DPP6: variants seen among roughly 807,000 people sequenced by gnomAD.
DPP6 encodes A-type potassium channel modulatory protein DPP6.
A neutral mutation model predicts 122.6 loss-of-function variants in DPP6; 69 were observed. That is an observed-to-expected ratio of 0.56 (90% CI 0.46 to 0.69). DPP6 has a LOEUF of 0.69. Among genes scored for constraint, DPP6 ranks in the 30% least tolerant of loss-of-function variants. The pLI, the probability that DPP6 is intolerant of heterozygous loss-of-function variation, is 0.00. For missense variants in DPP6, 928 were observed against 1,116.9 expected, an observed-to-expected ratio of 0.83 and a Z score of 2.41; for synonymous variants, 418 against 433.1, an observed-to-expected ratio of 0.97 and a Z score of 0.43.
At chr7:153,900,355 G>C (rs766202700) in intron 1 of DPP6, among the ~76,000 whole-genome samples, 15 of 151,856 alleles carry the variant, frequency 9.9e-5, no homozygotes, top group Non-Finnish European at 1.9e-4. Context: ...TGCTATAAAG[G>C]CATACCTGAG....
At chr7:154,468,245 A>G (rs182205176) in intron 2 of DPP6, among the ~76,000 whole-genome samples, 32 of 152,378 alleles carry the variant, frequency 2.1e-4, no homozygotes, top group African/African-American at 7.7e-4. Context: ...TCTACATTAA[A>G]TGTCCAGAAT....
Position 154,833,103 on chromosome 7 carries a change from A to G in DPP6, c.1667-20677A>G, listed in dbSNP as rs531240859. Among the ~76,000 whole-genome samples the G allele has an allele frequency of 1.5e-3, 222 of 152,300 alleles. No individual in the cohort carries two copies. The highest frequency in any genetic ancestry group is 4.9e-3 in the African/African-American group (205 of 41,564). The stretch of plus-strand genomic sequence containing the variant: ...CCAGTCAAGGGACCCAAGCTTGGGG[A>G]AGGGACTAGCACGTGCTGAGACCTC... On this transcript the variant is annotated intron_variant, in intron 16 of 25. Transcript: ENST00000377770. The surrounding 1 kb of genome is among the most constrained non-coding windows in gnomAD (Gnocchi z 4.3).
intron 1 of DPP6, among the ~76,000 whole-genome samples, chr7:154,218,618 A>G (rs1417052474): frequency 6.6e-6 from 1 of 152,200 alleles, no homozygotes; most frequent in African/African-American, 2.4e-5. Flanking sequence ...ATTTTAAATT[A>G]TATAGTCTGC....
chr7:154,040,409 A>G (rs1799701786), intron 1 of DPP6, among the ~76,000 whole-genome samples: 1 of 150,780 alleles, frequency 6.6e-6, no homozygotes, highest in African/African-American at 2.5e-5. Context: ...ATAAGGCAGC[A>G]CGCTTCATGA....
intron 1 of DPP6, among the ~76,000 whole-genome samples, chr7:154,253,815 TCA>T (rs1032863208): frequency 6.6e-6 from 1 of 152,138 alleles, no homozygotes; most frequent in African/African-American, 2.4e-5. Context: ...TTTAATTGAG[TCA>T]CAGATCCACA....
chr7:154,068,171 A>G (rs1451193004), intron 1 of DPP6, among the ~76,000 whole-genome samples: 1 of 152,108 alleles, frequency 6.6e-6, no homozygotes, highest in Non-Finnish European at 1.5e-5. Context: ...AGGGGTGTCA[A>G]CATTTGTGCT....
chr7:154,555,486 C>T (rs137884084), intron 4 of DPP6, among the ~76,000 whole-genome samples: 13 of 151,604 alleles, frequency 8.6e-5, no homozygotes, highest in East Asian at 5.8e-4. Flanking sequence ...GAAGGGGGGA[C>T]GGATAGCATT....
At chr7:154,794,595 C>G (rs1017323909) in intron 11 of DPP6, among the ~76,000 whole-genome samples, 2 of 152,242 alleles carry the variant, frequency 1.3e-5, no homozygotes, top group African/African-American at 4.8e-5. Flanking sequence ...CAGCCTCCCC[C>G]AGCGGGCTCC....
At chr7:154,080,314 T>TA in intron 1 of DPP6, among the ~76,000 whole-genome samples, 1 of 152,082 alleles carries the variant, frequency 6.6e-6, no homozygotes, top group South Asian at 2.1e-4. Flanking sequence ...GCATCCAAGA[T>TA]CAAGGTGTGG....
chr7:154,678,838 C>T (rs908506107), intron 7 of DPP6, among the ~76,000 whole-genome samples: 3 of 152,218 alleles, frequency 2.0e-5, no homozygotes, highest in Admixed American at 6.5e-5. Flanking sequence ...GAGCTTCCAT[C>T]TCTTAGTCTG....
intron 8 of DPP6, among the ~76,000 whole-genome samples, chr7:154,730,937 T>G (rs1842308159): frequency 6.6e-6 from 1 of 152,374 alleles, no homozygotes; most frequent in African/African-American, 2.4e-5. Context: ...CTTCAAGGCA[T>G]TTACACGAAA....
the DPP6 span, among the ~76,000 whole-genome samples, chr7:153,790,623 T>A: frequency 4.6e-5 from 7 of 152,320 alleles, no homozygotes; most frequent in African/African-American, 1.7e-4. Context: ...TTTCCGTTGA[T>A]ACTGACATTA....
At chr7:153,796,747 AC>A in the DPP6 span, among the ~76,000 whole-genome samples, 3 of 152,160 alleles carry the variant, frequency 2.0e-5, no homozygotes, top group Non-Finnish European at 4.4e-5. Context: ...TAATGCAGCC[AC>A]AGTAAAATCT....
rs3060876 is a variant in DPP6 at position 153,933,682 on chromosome 7, TTCTCTC to T, written c.51+45967_51+45972del. ...TTGCAATGCCCTTCACATTGCCACA[TTCTCTC>T]TCTCTCTCTCTCTCTCTCACACACA... On this transcript the variant is annotated intron_variant, in intron 1 of 25. Transcript: ENST00000404039. Among the ~76,000 whole-genome samples the T allele has an allele frequency of 1.8e-3, 277 of 150,364 alleles. 4 individuals are homozygous for T. In the East Asian group the frequency reaches 0.041, roughly 22 times the overall value.
intron 7 of DPP6, among the ~76,000 whole-genome samples, chr7:154,709,431 G>C (rs115968704): frequency 0.015 from 2,303 of 152,244 alleles, 65 homozygotes; most frequent in African/African-American, 0.051. Context: ...TGTTGCACAG[G>C]CTGGTCTCAA....
At chr7:154,575,490 G>GT (rs1337986819) in intron 5 of DPP6, among the ~76,000 whole-genome samples, 8 of 92,408 alleles carry the variant, frequency 8.7e-5, no homozygotes, top group Non-Finnish European at 1.7e-4. Flanking sequence ...TGTGTGTGGT[G>GT]TGTGTTTGTG....
intron 2 of DPP6, among the ~76,000 whole-genome samples, chr7:154,452,888 G>T (rs1235425208): frequency 6.6e-6 from 1 of 152,170 alleles, no homozygotes; most frequent in African/African-American, 2.4e-5. Flanking sequence ...GTTCCAAAGG[G>T]ATTTACCAAG....
intron 7 of DPP6, among the ~76,000 whole-genome samples, chr7:154,699,322 C>T (rs1363555827): frequency 6.6e-6 from 1 of 152,182 alleles, no homozygotes; most frequent in East Asian, 1.9e-4. Flanking sequence ...ATTGAAAATT[C>T]ATTCACTTCT....
chr7:154,701,070 A>G (rs1056574304), intron 7 of DPP6, among the ~76,000 whole-genome samples: 17 of 152,330 alleles, frequency 1.1e-4, no homozygotes, highest in Middle Eastern at 3.4e-3. Context: ...GCCCAGAGAT[A>G]CGGCAGGCTT....
Sources: gnomAD v4.1 joint callset for allele counts (sites outside exome capture counted in the v4.1 genomes callset) on GRCh38, gnomAD v4.1.1 for gene constraint, Gnocchi (gnomAD v3.1) non-coding constraint, MANE v1.5 for transcripts, NCBI Gene and HGNC (gene_info 2026-07-23, HGNC 2026-07-21) for gene names.